NAV3: variants seen among roughly 807,000 people sequenced by gnomAD.
NAV3 encodes the protein neuron navigator 3.
A neutral mutation model predicts 244.7 loss-of-function variants in NAV3; 87 were observed. The ratio of observed to expected loss-of-function variants is 0.36; its 90% confidence interval spans 0.30 to 0.42. The LOEUF (loss-of-function observed/expected upper bound fraction) is 0.42, where lower values mean the gene tolerates loss of function less well. Ranked by LOEUF, NAV3 falls within the 20% of genes least tolerant of loss-of-function variation. NAV3 has a pLI of 1.00. For missense variants in NAV3, 2,663 were observed against 2,893.3 expected, an observed-to-expected ratio of 0.92 and a Z score of 1.83; for synonymous variants, 1,126 against 1,042.2, an observed-to-expected ratio of 1.08 and a Z score of -1.55.
chr12:77,922,923 C>A (rs953942770), intron 1 of NAV3, among the ~76,000 whole-genome samples: 1 of 152,014 alleles, frequency 6.6e-6, no homozygotes, highest in Non-Finnish European at 1.5e-5. Flanking sequence ...AATACTATTA[C>A]ACCCTGAATT....
chr12:77,610,969 T>G (rs1870885869), intron 2 of NAV3, among the ~76,000 whole-genome samples: 1 of 150,948 alleles, frequency 6.6e-6, no homozygotes, highest in South Asian at 2.1e-4. Context: ...TGTCCAATCT[T>G]CAGATAATAT....
chr12:77,799,726 G>A (rs1372099012), intron 2 of NAV3, among the ~76,000 whole-genome samples: 1 of 152,034 alleles, frequency 6.6e-6, no homozygotes, highest in Non-Finnish European at 1.5e-5. Context: ...GCAGATGGTG[G>A]TGATAGTTCA....
chr12:77,660,559 C>G (rs1302741953), intron 2 of NAV3, among the ~76,000 whole-genome samples: 3 of 151,940 alleles, frequency 2.0e-5, no homozygotes, highest in East Asian at 1.9e-4. Context: ...ACAAAATTCA[C>G]TATTATTAGT....
chr12:77,923,709 A>G (rs1397526252), intron 1 of NAV3, among the ~76,000 whole-genome samples: 1 of 152,176 alleles, frequency 6.6e-6, no homozygotes, highest in East Asian at 1.9e-4. Context: ...GGACCCCAGC[A>G]GTGGAAACTT....
rs963921069 is a variant in NAV3 at position 78,204,968 on chromosome 12, T to A, written c.6868T>A (p.Ser2290Thr). The A allele has an allele frequency of 2.5e-6, 4 of 1,613,362 alleles. No individual in the cohort carries two copies. The Admixed American group carries it at 6.7e-5, about 27-fold the overall frequency. The part of the protein sequence containing the change: ...YGKRTPWEDP[S>T]KWVLDTYPWS... The stretch of plus-strand genomic sequence containing the variant: ...GAAACGCACACCATGGGAAGATCCT[T>A]CAAAGTGGGTGCTTGACACATATCC... Residue 2290 changes from serine to threonine, a missense_variant, in exon 39 of 40, where the codon TCA becomes ACA. By Grantham distance (58) the Ser-to-Thr change is moderately conservative (BLOSUM62 1). This residue lies in a region of NAV3 where 543 missense variants were observed against 672.4 expected (regional missense o/e 0.81). Coordinates refer to ENST00000397909, the MANE Select transcript of NAV3 (RefSeq NM_001024383.2).
chr12:77,872,860 A>G (rs1881184160), intron 1 of NAV3, among the ~76,000 whole-genome samples: 1 of 152,212 alleles, frequency 6.6e-6, no homozygotes, highest in Non-Finnish European at 1.5e-5. Flanking sequence ...AGAATTTGAA[A>G]AATATAGAAA....
chr12:78,072,273 A>G (rs879819149), intron 12 of NAV3, among the ~76,000 whole-genome samples: 3 of 149,110 alleles, frequency 2.0e-5, no homozygotes, highest in Non-Finnish European at 4.5e-5. Context: ...GATCAACAAA[A>G]TTGATAGACC....
rs139364045 is a variant in NAV3 at position 77,891,904 on chromosome 12, G to A, written c.244-48415G>A. ...GAACCCTTCATTCTCTCCCTTCTTTGCCCCAGGACCAACAGCCTTGCAGGT... is the reference window on the plus strand; with the variant it reads ...GAACCCTTCATTCTCTCCCTTCTTTACCCCAGGACCAACAGCCTTGCAGGT... On this transcript the variant is annotated intron_variant, in intron 1 of 39. Transcript: ENST00000397909. 2.6e-3 allele frequency among the ~76,000 whole-genome samples: 392 copies of A among 152,114 alleles called. 4 individuals carry two copies. Among genetic ancestry groups the A allele is most frequent in the Middle Eastern group, 0.01 (3 of 294 alleles).
intron 5 of NAV3, among the ~76,000 whole-genome samples, chr12:77,989,341 C>T (rs980838277): frequency 6.6e-6 from 1 of 152,156 alleles, no homozygotes; most frequent in Non-Finnish European, 1.5e-5. Context: ...CACATACATA[C>T]GTGTGTACAG....
chr12:77,620,893 G>T (rs188464125), intron 2 of NAV3, among the ~76,000 whole-genome samples: 10 of 152,294 alleles, frequency 6.6e-5, no homozygotes, highest in Middle Eastern at 6.8e-3. Flanking sequence ...AAAACTAATA[G>T]ACATAAAGTA....
intron 5 of NAV3, among the ~76,000 whole-genome samples, chr12:77,993,659 A>C (rs890443142): frequency 6.6e-6 from 1 of 151,914 alleles, no homozygotes; most frequent in Non-Finnish European, 1.5e-5. Flanking sequence ...GTGTAGTAAA[A>C]GTTAATTTAG....
chr12:78,096,307 A>T (rs1954247967), intron 12 of NAV3, among the ~76,000 whole-genome samples: 1 of 152,146 alleles, frequency 6.6e-6, no homozygotes, highest in Non-Finnish European at 1.5e-5. Flanking sequence ...CCAAGGCTTT[A>T]TATCATTCAT....
At chr12:78,189,173 C>G (rs976489403) in intron 33 of NAV3, among the ~76,000 whole-genome samples, 2 of 151,654 alleles carry the variant, frequency 1.3e-5, no homozygotes, top group African/African-American at 4.8e-5. Context: ...ATAAATACCC[C>G]CCAGGAAGAG....
chr12:77,971,334 A>G (rs1892980614), intron 5 of NAV3, among the ~76,000 whole-genome samples: 1 of 152,150 alleles, frequency 6.6e-6, no homozygotes, highest in Admixed American at 6.5e-5. Flanking sequence ...AAATGTTTAT[A>G]GAGTAACAGC....
chr12:78,003,318 G>C (rs1032654532), intron 7 of NAV3, among the ~76,000 whole-genome samples: 4 of 151,956 alleles, frequency 2.6e-5, no homozygotes, highest in African/African-American at 9.7e-5. Context: ...AAAATAAGTG[G>C]CATAGCCACA....
At chr12:77,671,611 A>G (rs1873977278) in intron 2 of NAV3, among the ~76,000 whole-genome samples, 1 of 152,154 alleles carries the variant, frequency 6.6e-6, no homozygotes, top group Admixed American at 6.6e-5. Context: ...ATAAAACCAA[A>G]TACTTACAGC....
intron 8 of NAV3, among the ~76,000 whole-genome samples, chr12:78,009,589 G>A (rs926415088): frequency 2.0e-5 from 3 of 151,802 alleles, no homozygotes; most frequent in African/African-American, 7.3e-5. Flanking sequence ...GTGTTACTTT[G>A]GGTCATATAT....
chr12:78,209,983 CTCTGTGTGCG>C (rs1217598847), intron 39 of NAV3, among the ~76,000 whole-genome samples: 1 of 152,140 alleles, frequency 6.6e-6, no homozygotes, highest in Non-Finnish European at 1.5e-5. Context: ...GCGTGTGTGC[CTCTGTGTGCG>C]TCTGTGTGTG....
chr12:77,692,361 G>T (rs1464089647), intron 2 of NAV3, among the ~76,000 whole-genome samples: 1 of 151,934 alleles, frequency 6.6e-6, no homozygotes, highest in Non-Finnish European at 1.5e-5. Context: ...CAAACACCTT[G>T]GGTCAAAGGC....
Sources: gnomAD v4.1 joint callset for allele counts (sites outside exome capture counted in the v4.1 genomes callset) on GRCh38, gnomAD v4.1.1 for gene constraint, gnomAD v4.1.1 regional missense constraint, MANE v1.5 for transcripts, NCBI Gene and HGNC (gene_info 2026-07-23, HGNC 2026-07-21) for gene names.